The following ARHGEF9 variants were observed in gnomAD, a reference collection of about 807,000 sequenced individuals.
ARHGEF9 encodes Cdc42 guanine nucleotide exchange factor 9, also known as rho guanine nucleotide exchange factor 9.
Under a neutral mutation model 41.3 loss-of-function variants are expected in ARHGEF9, and 2 were observed. The observed-to-expected ratio is 0.05, with a 90% CI of 0.02 to 0.15. ARHGEF9 has a LOEUF of 0.15. ARHGEF9 is among the 10% of genes least tolerant of loss of function. ARHGEF9 has a pLI of 1.00. For synonymous variants in ARHGEF9, 160 were observed against 154.4 expected, an observed-to-expected ratio of 1.04 and a Z score of -0.27; for missense variants, 225 against 424.7, an observed-to-expected ratio of 0.53 and a Z score of 4.13.
chrX:63,684,396 G>T (rs1262601826), intron 4 of ARHGEF9, among the ~76,000 whole-genome samples: 14 of 111,337 alleles, frequency 1.3e-4, no homozygotes, highest in African/African-American at 4.6e-4. Flanking sequence ...TTAGAGAAAA[G>T]GAGACCCTTG....
At chrX:63,767,435 T>G in intron 1 of ARHGEF9, 1 of 347,461 alleles carries the variant, frequency 2.9e-6, no homozygotes. Context: ...TTTATGGATC[T>G]GATAAAATCT....
At chrX:63,651,608 A>G (rs1231989756) in intron 8 of ARHGEF9, among the ~76,000 whole-genome samples, 28 of 111,505 alleles carry the variant, frequency 2.5e-4, no homozygotes, top group African/African-American at 9.1e-4. Flanking sequence ...TAAACCAAAA[A>G]TATATTTTTA....
chrX:63,704,952 A>G (rs2052428258), intron 3 of ARHGEF9, among the ~76,000 whole-genome samples: 1 of 112,281 alleles, frequency 8.9e-6, no homozygotes, highest in Admixed American at 9.4e-5. Flanking sequence ...CAGGCACAAA[A>G]TCCTTGGCCT....
chrX:63,720,330 G>A (rs782752063), intron 2 of ARHGEF9, among the ~76,000 whole-genome samples: 1 of 111,671 alleles, frequency 9.0e-6, no homozygotes, highest in Non-Finnish European at 1.9e-5. Flanking sequence ...ACAAGAATAC[G>A]GTCTTGCAAA....
chrX:63,666,411 T>C (rs1556348323), intron 6 of ARHGEF9, among the ~76,000 whole-genome samples: 2 of 96,889 alleles, frequency 2.1e-5, no homozygotes, highest in East Asian at 3.3e-4. Context: ...TTTATATATA[T>C]ATATATACAC....
intron 8 of ARHGEF9, among the ~76,000 whole-genome samples, chrX:63,650,210 G>A (rs187979770): frequency 3.3e-4 from 37 of 111,292 alleles, no homozygotes; most frequent in Non-Finnish European, 6.4e-4. Context: ...TCAATATACC[G>A]AGGAAATATC....
At chrX:63,675,716 C>A (rs1252261096) in intron 5 of ARHGEF9, among the ~76,000 whole-genome samples, 1 of 111,842 alleles carries the variant, frequency 8.9e-6, no homozygotes, top group Non-Finnish European at 1.9e-5. Context: ...TAACCCTTGG[C>A]CCCACATCCT....
intron 1 of ARHGEF9, chrX:63,726,749 G>A (rs1438348519): frequency 9.0e-6 from 1 of 111,394 alleles, no homozygotes; most frequent in Non-Finnish European, 1.9e-5. Context: ...AACTTTGTGT[G>A]CTCTTACAAT....
chrX:63,753,614 G>A lies in ARHGEF9; in HGVS notation c.31-28903C>T, dbSNP rs1353327609. Among the ~76,000 whole-genome samples the A allele has an allele frequency of 2.8e-5, 3 of 108,856 alleles. No homozygotes were observed. The East Asian group carries it at 8.7e-4, about 31-fold the overall frequency. The allele number at this position is 108,856 out of a possible 115,157, so 94.5% of individuals were successfully genotyped here. A position where few individuals can be genotyped will look rare whatever the true frequency, so the allele number is the denominator to read the frequency against. ...TCCAGGGGTACAATCTTTGGGAAAG[G>A]GAGCCCAAATAGCTCCTGTCAAAGT... On this transcript the variant is annotated intron_variant, in intron 1 of 9. Coordinates refer to ENST00000671741, the MANE Select transcript of ARHGEF9 (RefSeq NM_001353921.2).
chrX:63,658,290 A>T (rs1245793615), intron 7 of ARHGEF9, among the ~76,000 whole-genome samples: 1 of 111,987 alleles, frequency 8.9e-6, no homozygotes, highest in Non-Finnish European at 1.9e-5. Context: ...CAGGCGCTAG[A>T]TTTGTCATAA....
chrX:63,757,870 C>CA (rs1174852285), intron 1 of ARHGEF9, among the ~76,000 whole-genome samples: 3 of 111,998 alleles, frequency 2.7e-5, no homozygotes, highest in South Asian at 3.7e-4. Context: ...AGCTAAAAAC[C>CA]AAAAAAACTA....
chrX:63,680,825 T>A (rs1220226722), intron 4 of ARHGEF9, among the ~76,000 whole-genome samples: 1 of 111,139 alleles, frequency 9.0e-6, no homozygotes, highest in Non-Finnish European at 1.9e-5. Context: ...CATGGGTTGT[T>A]TTTTCTTCCT....
intron 2 of ARHGEF9, among the ~76,000 whole-genome samples, chrX:63,723,799 A>G (rs782425191): frequency 1.8e-5 from 2 of 111,855 alleles, no homozygotes; most frequent in African/African-American, 3.3e-5. Flanking sequence ...GACCCAGAAA[A>G]AGCAAAAACT....
intron 1 of ARHGEF9, among the ~76,000 whole-genome samples, chrX:63,778,392 C>T (rs1405400933): frequency 1.8e-5 from 2 of 112,151 alleles, no homozygotes; most frequent in East Asian, 5.6e-4. Flanking sequence ...CCTCCTAGAC[C>T]TCCAGGCACT....
In ARHGEF9 at chrX:63,699,040, A is replaced by C. The variant is rs565879858; in HGVS notation, c.403-1736T>G. Among the ~76,000 whole-genome samples, 13 of 111,441 alleles carry C rather than the reference A, an allele frequency of 1.2e-4. 1 individual carries two copies. The South Asian group carries it at 4.2e-3, about 36-fold the overall frequency. On this transcript the variant is annotated intron_variant, in intron 3 of 9. Coordinates refer to ENST00000671741, the MANE Select transcript of ARHGEF9 (RefSeq NM_001353921.2). Reference sequence around the variant, plus strand: ...TAGGCCCTTCCCTACCTAATATGTAATTCCCAGAGCCTAGTATGTCTGGGT... The same window carrying C: ...TAGGCCCTTCCCTACCTAATATGTACTTCCCAGAGCCTAGTATGTCTGGGT...
Position 63,673,955 on chromosome X carries a change from C to A in ARHGEF9, c.945+83G>T, listed in dbSNP as rs1398568308. 1.7e-5 allele frequency: 19 copies of A among 1,123,730 alleles called. 1 individual carries two copies. The highest frequency in any genetic ancestry group is 5.4e-5 in the African/African-American group (3 of 55,394). 92.6% of individuals were successfully genotyped at this position (1,123,730 alleles called of 1,213,427 possible). A position where few individuals can be genotyped will look rare whatever the true frequency, so the allele number is the denominator to read the frequency against. On this transcript the variant is annotated intron_variant, in intron 6 of 9. Transcript: ENST00000671741. ...TACTGTTGCTCTTCAAATGTAATTT[C>A]TCTTCACCTGTCCTTAGCTAAGATG... is the stretch of plus-strand genomic sequence containing the variant.
intron 8 of ARHGEF9, among the ~76,000 whole-genome samples, chrX:63,649,326 C>A (rs1457095825): frequency 1.8e-5 from 2 of 110,730 alleles, no homozygotes; most frequent in African/African-American, 3.3e-5. Context: ...GAACAACCTG[C>A]TCCTGAATGA....
intron 4 of ARHGEF9, 40 bp from the exon 5 acceptor site, chrX:63,678,612 G>A (rs2050418329): frequency 9.7e-7 from 1 of 1,031,251 alleles, no homozygotes; most frequent in Non-Finnish European, 1.3e-6. Flanking sequence ...AGTCTACCAA[G>A]GACCCCAAAA....
At chrX:63,682,056 A>G (rs2050655666) in intron 4 of ARHGEF9, among the ~76,000 whole-genome samples, 1 of 110,166 alleles carries the variant, frequency 9.1e-6, no homozygotes. Context: ...ACAAAAGATC[A>G]TAGGACCAGA....
Sources: allele counts gnomAD v4.1 joint callset (sites outside exome capture counted in the v4.1 genomes callset), GRCh38; gene constraint gnomAD v4.1.1; transcripts MANE v1.5; gene names NCBI Gene and HGNC (gene_info 2026-07-23, HGNC 2026-07-21).